LNX1: variants seen among roughly 807,000 people sequenced by gnomAD.
LNX1 encodes the protein E3 ubiquitin-protein ligase LNX.
In LNX1, 54 loss-of-function variants were observed where a neutral mutation model predicts 68.4. That is an observed-to-expected ratio of 0.79 (90% CI 0.63 to 0.99). The LOEUF (loss-of-function observed/expected upper bound fraction) is 0.99. LNX1 is among the 50% of genes least tolerant of loss of function. The pLI is 0.00. For synonymous variants in LNX1, 336 were observed against 350.0 expected (o/e 0.96, Z 0.45); for missense variants, 906 against 926.4 (o/e 0.98, Z 0.29).
chr4:53,624,136 T>A (rs1733988865), intron 1 of LNX1, among the ~76,000 whole-genome samples: 1 of 152,178 alleles, frequency 6.6e-6, no homozygotes, highest in African/African-American at 2.4e-5. Flanking sequence ...ATCACCTACA[T>A]GCATAGGCTT....
At chr4:53,543,884 G>A (rs1728918948) in intron 2 of LNX1, among the ~76,000 whole-genome samples, 1 of 150,772 alleles carries the variant, frequency 6.6e-6, no homozygotes, top group Non-Finnish European at 1.5e-5. Flanking sequence ...GCAACTGAAT[G>A]GGGGATTAAA....
At chr4:53,644,585 A>C (rs1271388401) in intron 1 of LNX1, among the ~76,000 whole-genome samples, 1 of 152,230 alleles carries the variant, frequency 6.6e-6, no homozygotes, top group East Asian at 1.9e-4. Flanking sequence ...ATCAGAAAAC[A>C]CACCACTAGC....
intron 6 of LNX1, among the ~76,000 whole-genome samples, chr4:53,482,626 G>GTTC (rs1173909557): frequency 6.6e-6 from 1 of 152,196 alleles, no homozygotes; most frequent in East Asian, 1.9e-4. Context: ...AATACTGCAT[G>GTTC]TTCTCACTTG....
chr4:53,631,662 A>C (rs1734277815), intron 1 of LNX1, among the ~76,000 whole-genome samples: 1 of 152,134 alleles, frequency 6.6e-6, no homozygotes, highest in Admixed American at 6.6e-5. Context: ...AAGACCATCG[A>C]TCAGAATTTC....
chr4:53,591,661 A>C, upstream of LNX1: 3 of 778,926 alleles, frequency 3.9e-6, no homozygotes, highest in Non-Finnish European at 4.7e-6. Context: ...GAATACCTGC[A>C]AGCAGGTAGG....
chr4:53,564,284 A>T (rs1730490535), intron 2 of LNX1, among the ~76,000 whole-genome samples: 1 of 152,182 alleles, frequency 6.6e-6, no homozygotes, highest in African/African-American at 2.4e-5. Context: ...CACCTGTGTC[A>T]TCTTTCTCCT....
intron 2 of LNX1, among the ~76,000 whole-genome samples, chr4:53,551,111 CT>C (rs1247916677): frequency 1.3e-5 from 2 of 151,712 alleles, no homozygotes; most frequent in Middle Eastern, 3.2e-3. Flanking sequence ...GTTCTAAGAG[CT>C]TGGTGTGTTC....
At chr4:53,561,578 C>T (rs575692958) in intron 2 of LNX1, among the ~76,000 whole-genome samples, 2 of 152,296 alleles carry the variant, frequency 1.3e-5, no homozygotes, top group East Asian at 3.9e-4. Context: ...AGACAGCTAG[C>T]TGTGTTGTCC....
At chr4:53,591,902 A>G (rs931081896), upstream of LNX1, 4 of 152,236 alleles carry the variant, frequency 2.6e-5, no homozygotes, top group African/African-American at 9.6e-5. Context: ...AAGAGTGTGA[A>G]GCCGAACTTC....
At chr4:53,561,881 T>C (rs138742127) in intron 2 of LNX1, among the ~76,000 whole-genome samples, 67 of 152,128 alleles carry the variant, frequency 4.4e-4, no homozygotes, top group African/African-American at 1.5e-3. Context: ...ATGACACACA[T>C]ACACCTATGT....
intron 2 of LNX1, among the ~76,000 whole-genome samples, chr4:53,599,752 A>C (rs1732911864): frequency 6.6e-6 from 1 of 152,228 alleles, no homozygotes; most frequent in South Asian, 2.1e-4. Context: ...ATGGGAACCA[A>C]GACTGAAGCA....
At chr4:53,618,552 G>A (rs1733759222), upstream of LNX1, among the ~76,000 whole-genome samples, 1 of 152,162 alleles carries the variant, frequency 6.6e-6, no homozygotes, top group Non-Finnish European at 1.5e-5. Context: ...CCTGGGTACA[G>A]AGCCCTGTAT....
At chr4:53,626,320 G>T (rs1734073646) in intron 1 of LNX1, among the ~76,000 whole-genome samples, 1 of 152,180 alleles carries the variant, frequency 6.6e-6, no homozygotes. Flanking sequence ...TAATGGTGGT[G>T]ATGGTTGCAT....
chr4:53,605,281 G>T (rs896901270), intron 2 of LNX1, among the ~76,000 whole-genome samples: 10 of 152,152 alleles, frequency 6.6e-5, no homozygotes, highest in Admixed American at 3.3e-4. Flanking sequence ...TACTTAAAAA[G>T]AAATTTTAGT....
chr4:53,628,916 G>A (rs1003365819), intron 1 of LNX1, among the ~76,000 whole-genome samples: 1 of 152,184 alleles, frequency 6.6e-6, no homozygotes, highest in African/African-American at 2.4e-5. Flanking sequence ...ATAAGTTGGA[G>A]CTAAGCTATG....
chr4:53,471,380 TA>T (rs1480649921), intron 9 of LNX1, among the ~76,000 whole-genome samples: 1 of 152,044 alleles, frequency 6.6e-6, no homozygotes, highest in African/African-American at 2.4e-5. Flanking sequence ...CCTAAAACCA[TA>T]AAAACCCTAG....
intron 1 of LNX1, among the ~76,000 whole-genome samples, chr4:53,647,777 C>T (rs578187146): frequency 6.6e-6 from 1 of 152,330 alleles, no homozygotes; most frequent in Admixed American, 6.5e-5. Context: ...CTCCCTTTCC[C>T]TCAGCCCCCG....
upstream of LNX1, among the ~76,000 whole-genome samples, chr4:53,620,648 T>C (rs1199839542): frequency 6.6e-6 from 1 of 152,096 alleles, no homozygotes; most frequent in African/African-American, 2.4e-5. Context: ...GATTTCACCA[T>C]AATGCAATAC....
chr4:53,508,907 A>T (rs1464487884), intron 2 of LNX1, among the ~76,000 whole-genome samples: 1 of 150,976 alleles, frequency 6.6e-6, no homozygotes, highest in Non-Finnish European at 1.5e-5. Flanking sequence ...TAGCAAAAAC[A>T]TATTTGTCTC....
Sources: allele counts gnomAD v4.1 joint callset (sites outside exome capture counted in the v4.1 genomes callset), GRCh38; gene constraint gnomAD v4.1.1; transcripts MANE v1.5; gene names NCBI Gene and HGNC (gene_info 2026-07-23, HGNC 2026-07-21).